The following RGS22 variants were observed in gnomAD, a reference collection of about 807,000 sequenced individuals.
RGS22 encodes regulator of G protein signaling 22, also known as regulator of G-protein signaling 22.
In RGS22, 148 loss-of-function variants were observed where a neutral mutation model predicts 172.9. The ratio of observed to expected loss-of-function variants is 0.86; its 90% CI spans 0.75 to 0.98. The LOEUF (loss-of-function observed/expected upper bound fraction) is 0.98. Ranked by LOEUF, RGS22 falls within the 50% of genes least tolerant of loss-of-function variation. RGS22 has a pLI of 0.00. For missense variants in RGS22, 1,347 were observed against 1,440.8 expected (o/e 0.93, Z 1.05); for synonymous variants, 458 against 480.2 (o/e 0.95, Z 0.60).
chr8:100,062,825 T>C (rs1207141819), intron 8 of RGS22, 73 bp from the exon 9 acceptor site: 13 of 1,204,694 alleles, frequency 1.1e-5, no homozygotes, highest in Non-Finnish European at 1.5e-5. Context: ...TGTAGTTGAA[T>C]ATTCAGGAGA....
chr8:100,046,961 C>T (rs949996480), intron 11 of RGS22, among the ~76,000 whole-genome samples: 12 of 151,920 alleles, frequency 7.9e-5, no homozygotes, highest in Admixed American at 7.9e-4. Flanking sequence ...ACTACAGGCA[C>T]GTGCCACCAC....
chr8:100,063,299 G>T (rs1810287413), intron 8 of RGS22, 117 bp downstream of exon 8: 2 of 629,134 alleles, frequency 3.2e-6, no homozygotes, highest in African/African-American at 1.9e-5. Flanking sequence ...ATTCCTCCAA[G>T]AGTAAAAAAT....
intron 1 of RGS22, chr8:100,105,649 A>G (rs1284194257): frequency 1.7e-6 from 1 of 582,246 alleles, no homozygotes; most frequent in Non-Finnish European, 3.0e-6. Flanking sequence ...ACCCTTCTTC[A>G]TAGACGGAAC....
intron 4 of RGS22, among the ~76,000 whole-genome samples, chr8:100,078,475 G>C (rs935264084): frequency 1.3e-5 from 2 of 150,934 alleles, no homozygotes; most frequent in Non-Finnish European, 3.0e-5. Flanking sequence ...TATTGATATG[G>C]TTTGTTTAAA....
At chr8:100,046,916 G>A (rs1820785432) in intron 11 of RGS22, among the ~76,000 whole-genome samples, 1 of 151,966 alleles carries the variant, frequency 6.6e-6, no homozygotes, top group South Asian at 2.1e-4. Context: ...CCGGGTTCAA[G>A]TGATTCTTAT....
chr8:100,036,332 C>T (rs1031091474), intron 14 of RGS22, among the ~76,000 whole-genome samples: 37 of 152,120 alleles, frequency 2.4e-4, no homozygotes, highest in African/African-American at 8.9e-4. Flanking sequence ...GTGTACTATT[C>T]TATCTTGAAG....
At chr8:99,988,081 T>A in intron 20 of RGS22, among the ~76,000 whole-genome samples, 1 of 151,508 alleles carries the variant, frequency 6.6e-6, no homozygotes, top group East Asian at 1.9e-4. Context: ...AAGAAAAAAT[T>A]ATCAATTGAT....
chr8:99,981,125 C>T (rs1328326766), intron 22 of RGS22, among the ~76,000 whole-genome samples: 2 of 152,106 alleles, frequency 1.3e-5, no homozygotes, highest in African/African-American at 4.8e-5. Flanking sequence ...CCTATTACCC[C>T]TATTATAATT....
At chr8:100,104,357 TGTG>T (rs1813750475) in intron 2 of RGS22, among the ~76,000 whole-genome samples, 2 of 145,168 alleles carry the variant, frequency 1.4e-5, no homozygotes, top group Non-Finnish European at 3.0e-5. Flanking sequence ...TGTGTGTGTG[TGTG>T]TATTTTTTTT....
At chr8:100,045,747 ATTG>A (rs1289016831) in intron 11 of RGS22, among the ~76,000 whole-genome samples, 1 of 150,936 alleles carries the variant, frequency 6.6e-6, no homozygotes, top group Non-Finnish European at 1.5e-5. Context: ...AACAATATTA[ATTG>A]TTGAATTAAT....
intron 23 of RGS22, among the ~76,000 whole-genome samples, chr8:99,971,559 C>A (rs7465080): frequency 0.092 from 14,015 of 152,092 alleles, 842 homozygotes; most frequent in African/African-American, 0.16. Context: ...TACAAAAATT[C>A]CAAGCATTCC....
chr8:99,977,596 A>G (rs1204903614), intron 23 of RGS22, among the ~76,000 whole-genome samples: 3 of 152,216 alleles, frequency 2.0e-5, no homozygotes, highest in Admixed American at 6.5e-5. Flanking sequence ...TCTTAGTCCA[A>G]TGAAGATGAC....
intron 14 of RGS22, among the ~76,000 whole-genome samples, chr8:100,033,803 G>A (rs966373271): frequency 3.3e-5 from 5 of 152,116 alleles, no homozygotes; most frequent in Admixed American, 1.3e-4. Context: ...TGCAAGACTG[G>A]TTCAACACAC....
Position 100,061,109 on chromosome 8 carries a change from C to T in RGS22, c.1514+1482G>A, listed in dbSNP as rs190610850. ...AAATGGAGCTAGGATAACTGGCTGG[C>T]CATATGCAGAAGACTGAAACTGGAT... On this transcript the variant is annotated intron_variant, in intron 9 of 27. Coordinates refer to ENST00000360863, the MANE Select transcript of RGS22 (RefSeq NM_015668.5). Among the ~76,000 whole-genome samples the T allele has an allele frequency of 5.9e-5, 9 of 152,206 alleles. No homozygotes were observed. In the South Asian group the frequency reaches 6.2e-4, roughly 11 times the overall value.
chr8:100,035,985 A>G (rs1256490457), intron 14 of RGS22, among the ~76,000 whole-genome samples: 10 of 152,152 alleles, frequency 6.6e-5, no homozygotes, highest in Admixed American at 2.0e-4. Flanking sequence ...GGTGGATAGC[A>G]TTAGGAGAAA....
In RGS22 at chr8:100,104,985, T is replaced by C. The variant is rs192320073; in HGVS notation, c.54+389A>G. ...AGTATTTAGTACATTTGTAAAGGAATGATAAATTGACCACTCTTTATCCAT... is the reference window on the plus strand; with the variant it reads ...AGTATTTAGTACATTTGTAAAGGAACGATAAATTGACCACTCTTTATCCAT... On this transcript the variant is annotated intron_variant, in intron 2 of 27. Transcript: ENST00000360863. Among the ~76,000 whole-genome samples, 299 of 152,370 alleles carry C rather than the reference T, an allele frequency of 2.0e-3. 2 individuals carry two copies. The highest frequency in any genetic ancestry group is 6.7e-3 in the African/African-American group (277 of 41,580).
chr8:100,025,387 A>G (rs1818070570), intron 14 of RGS22, among the ~76,000 whole-genome samples: 1 of 152,204 alleles, frequency 6.6e-6, no homozygotes, highest in Non-Finnish European at 1.5e-5. Context: ...AATTGTGAAG[A>G]CACCAAAATT....
chr8:100,047,535 G>A lies in RGS22; in HGVS notation c.1751C>T (p.Thr584Ile), dbSNP rs767724338. The A allele has an allele frequency of 6.2e-7, 1 of 1,613,172 alleles. No individual in the cohort carries two copies. The highest frequency in any genetic ancestry group is 2.2e-5 in the East Asian group (1 of 44,830). ...KSPNKSPEVK[T>I]ATQKPWKREL... ...CCGCTTCCAAGGCTTTTGAGTTGCTGTTTTTACTTCAGGTGATTTATTGGG... is the reference window on the plus strand; with the variant it reads ...CCGCTTCCAAGGCTTTTGAGTTGCTATTTTTACTTCAGGTGATTTATTGGG... Residue 584 changes from threonine to isoleucine, a missense_variant, in exon 11 of 28, where the codon ACA becomes ATA. Physicochemically the swap from Thr to Ile is moderately conservative, Grantham distance 89 (BLOSUM62 -1). Transcript: ENST00000360863.
chr8:100,017,625 T>C (rs2131428891), intron 14 of RGS22, among the ~76,000 whole-genome samples: 1 of 152,290 alleles, frequency 6.6e-6, no homozygotes, highest in Non-Finnish European at 1.5e-5. Flanking sequence ...AAATACAAGA[T>C]ATTGTAATTG....
Sources: gnomAD v4.1 joint callset for allele counts (sites outside exome capture counted in the v4.1 genomes callset) on GRCh38, gnomAD v4.1.1 for gene constraint, MANE v1.5 for transcripts, NCBI Gene and HGNC (gene_info 2026-07-23, HGNC 2026-07-21) for gene names.